Variants in ATP8B2 observed in about 807,000 individuals in gnomAD.
ATP8B2 encodes ATPase phospholipid transporting 8B2.
Under a neutral mutation model 133.4 loss-of-function variants are expected in ATP8B2, and 70 were observed. That is an observed-to-expected ratio of 0.52 (90% confidence interval 0.43 to 0.64). The LOEUF is 0.64. ATP8B2 is among the 30% of genes least tolerant of loss of function. ATP8B2 has a pLI of 0.00. For synonymous variants in ATP8B2, 517 were observed against 589.5 expected (o/e 0.88, Z 1.78); for missense variants, 1,101 against 1,535.7 (o/e 0.72, Z 4.73).
chr1:154,328,218 G>C lies in ATP8B2; in HGVS notation c.31+46G>C. On this transcript the variant is annotated intron_variant, in intron 2 of 27. Coordinates refer to ENST00000368489, the MANE Select transcript of ATP8B2 (RefSeq NM_001370597.1). The surrounding 1 kb of genome is among the most constrained non-coding windows in gnomAD (Gnocchi z 4.6). ...AGATCCCGGGAACCATCAAGAGTGG[G>C]TGTTGTTATGGCTCAGGGAGCAAAA... The C allele has an allele frequency of 1.3e-6, 2 of 1,570,290 alleles. No homozygotes were observed. Among genetic ancestry groups the C allele is most frequent in the Non-Finnish European group, 1.8e-6 (2 of 1,140,932 alleles).
In ATP8B2 at chr1:154,343,930, C is replaced by A; in HGVS notation, c.1796C>A (p.Ala599Asp). The A allele has an allele frequency of 6.2e-7, 1 of 1,613,628 alleles. No homozygotes were observed. Among genetic ancestry groups the A allele is most frequent in the Non-Finnish European group, 8.5e-7 (1 of 1,179,764 alleles). ...GAAGGGCTGAGGACCCTGGTGCTGG[C>A]CTACAAGGATCTGGATGAAGAGTAC... ...AGEGLRTLVLAYKDLDEEYYE... is the reference protein window; with the variant it reads ...AGEGLRTLVLDYKDLDEEYYE... The change falls in exon 18 of 28, where the codon GCC (alanine) becomes GAC (aspartate). Residue 599 changes from alanine to aspartate, a missense_variant. Ala to Asp is a moderately radical substitution (Grantham distance 126, BLOSUM62 -2). Transcript: ENST00000368489. This position sits in a 1 kb window ranked among gnomAD's most constrained non-coding sequence, Gnocchi z 5.8.
rs1230802796 is a variant in ATP8B2, at chr1:154,346,821, C to CTGAT, written c.3163+63_3163+64insTGAT. ...ACAGCTGTTCTGGGACTAACAGGAC[C>CTGAT]ATCAGCTAATCTGCACATTCAACAT... is the stretch of plus-strand genomic sequence containing the variant. On this transcript the variant is annotated intron_variant, in intron 26 of 27. Coordinates refer to ENST00000368489, the MANE Select transcript of ATP8B2 (RefSeq NM_001370597.1). The surrounding 1 kb of genome is among the most constrained non-coding windows in gnomAD (Gnocchi z 4.5). 12 of 1,554,366 alleles carry CTGAT rather than the reference C, an allele frequency of 7.7e-6. No individual in the cohort carries two copies. The highest frequency in any genetic ancestry group is 3.4e-4 in the Middle Eastern group (2 of 5,826).
Position 154,328,890 on chromosome 1 carries a change from G to T in ATP8B2, c.31+718G>T. ...CGACGGCTGGGGCTCCCCTCTGAGC[G>T]GCTGCGGCTCCTGCACCTCCCCGGG... On this transcript the variant is annotated intron_variant, in intron 2 of 27. Transcript: ENST00000368489. This position sits in a 1 kb window ranked among gnomAD's most constrained non-coding sequence, Gnocchi z 4.6. 7.9e-7 allele frequency: 1 copy of T among 1,262,748 alleles called. No homozygotes were observed. The allele number at this position is 1,262,748 out of a possible 1,614,324, so 78.2% of individuals were successfully genotyped here. A position where few individuals can be genotyped will look rare whatever the true frequency, so the allele number is the denominator to read the frequency against.
chr1:154,327,820 TC>T, intron 1 of ATP8B2: 1 of 1,613,814 alleles, frequency 6.2e-7, no homozygotes, highest in African/African-American at 1.3e-5. Flanking sequence ...TGAGAGCTGT[TC>T]CCCTTTTTTC....
chr1:154,328,969 C>A lies in ATP8B2; in HGVS notation c.31+797C>A. ...AAGGACATATAGACGGTCTGCCCTC[C>A]CCCACTCAAACCGGGATCATGACGG... is the stretch of plus-strand genomic sequence containing the variant. On this transcript the variant is annotated intron_variant, in intron 2 of 27. Transcript: ENST00000368489. The surrounding 1 kb of genome is among the most constrained non-coding windows in gnomAD (Gnocchi z 4.6). 7.7e-7 allele frequency: 1 copy of A among 1,304,106 alleles called. No individual in the cohort carries two copies. 80.8% of individuals were successfully genotyped at this position (1,304,106 alleles called of 1,614,324 possible).
At position 154,349,231 on chromosome 1, in the gene ATP8B2, G is replaced by T; in HGVS notation, c.*113G>T. 1 of 1,347,602 alleles carries T rather than the reference G, an allele frequency of 7.4e-7. No homozygotes were observed. Among genetic ancestry groups the T allele is most frequent in the Non-Finnish European group, 1.0e-6 (1 of 989,206 alleles). The allele number at this position is 1,347,602 out of a possible 1,614,324, so 83.5% of individuals were successfully genotyped here. ...CTCATTCCTTGCTTCCCGTCCCCCC[G>T]GTAGACTCTGTCCTGCTGGTCCCAC... On this transcript the variant is annotated 3_prime_UTR_variant, in exon 28 of 28. Transcript: ENST00000368489.
At position 154,348,868 on chromosome 1, in the gene ATP8B2, A is replaced by T. The variant is rs1259102065; in HGVS notation, c.3323A>T (p.Lys1108Met). 6.2e-7 allele frequency: 1 copy of T among 1,608,976 alleles called. No homozygotes were observed. The highest frequency in any genetic ancestry group is 8.5e-7 in the Non-Finnish European group (1 of 1,176,388). Residue 1108 changes from lysine (K) to methionine (M), a missense_variant, in exon 28 of 28, where the codon AAG becomes ATG. By Grantham distance (95) the Lys-to-Met change is moderately conservative. Transcript: ENST00000368489. Reference protein sequence around the residue: ...TVRYTQLVRKKQKAQHRCMRR... With the variant: ...TVRYTQLVRKMQKAQHRCMRR... ...CGCTACACACAGCTCGTGAGGAAGAAGCAGAAGGCCCAGCACCGCTGCATG... is the reference window on the plus strand; with the variant it reads ...CGCTACACACAGCTCGTGAGGAAGATGCAGAAGGCCCAGCACCGCTGCATG...
chr1:154,331,579 CT>C lies in ATP8B2; in HGVS notation c.366-26del. 2 of 1,613,892 alleles carry C rather than the reference CT, an allele frequency of 1.2e-6. No individual in the cohort carries two copies. Among genetic ancestry groups the C allele is most frequent in the Non-Finnish European group, 1.7e-6 (2 of 1,179,762 alleles). On this transcript the variant is annotated intron_variant, in intron 6 of 27. Coordinates refer to ENST00000368489, the MANE Select transcript of ATP8B2 (RefSeq NM_001370597.1). The surrounding 1 kb of genome is among the most constrained non-coding windows in gnomAD (Gnocchi z 4.8). ...AGGAACCTCTTTAGCTCCTGACAGC[CT>C]CTTCACTGTCTTCTCGTTGCCTCAG...
intron 26 of ATP8B2, among the ~76,000 whole-genome samples, chr1:154,347,782 A>C (rs1411563153): frequency 6.6e-6 from 1 of 152,062 alleles, no homozygotes; most frequent in African/African-American, 2.4e-5. Context: ...CTCTACTAAA[A>C]ATACAAAATT....
Position 154,344,781 on chromosome 1 carries a change from GC to G in ATP8B2, c.2284del (p.Leu762TrpfsTer28). On this transcript the variant is annotated frameshift_variant, in exon 21 of 28. Coordinates refer to ENST00000368489, the MANE Select transcript of ATP8B2 (RefSeq NM_001370597.1). LOFTEE classifies it high-confidence loss of function. The surrounding 1 kb of genome is among the most constrained non-coding windows in gnomAD (Gnocchi z 4.1). ...GEYALVINGHSLAHALEADME... is the reference protein window; with the variant it reads ...GEYALVINGHXLAHALEADME... ...TACGCCCTGGTCATAAATGGTCACA[GC>G]CTGGTAGGCATCGCTATCCTTAGCT... is the stretch of plus-strand genomic sequence containing the variant. 6.3e-7 allele frequency: 1 copy of G among 1,596,482 alleles called. No homozygotes were observed. Among genetic ancestry groups the G allele is most frequent in the South Asian group, 1.1e-5 (1 of 90,404 alleles).
chr1:154,326,925 C>T (rs1360424333), intron 1 of ATP8B2, among the ~76,000 whole-genome samples: 1 of 152,128 alleles, frequency 6.6e-6, no homozygotes, highest in Middle Eastern at 3.2e-3. Context: ...GGCTTGGCAT[C>T]TCTAAAATAT....
Position 154,346,058 on chromosome 1 carries a change from C to T in ATP8B2, c.2779-173C>T, listed in dbSNP as rs1048304588. On this transcript the variant is annotated intron_variant, in intron 24 of 27. Coordinates refer to ENST00000368489, the MANE Select transcript of ATP8B2 (RefSeq NM_001370597.1). This position sits in a 1 kb window ranked among gnomAD's most constrained non-coding sequence, Gnocchi z 4.5. The stretch of plus-strand genomic sequence containing the variant: ...TCCTGGCTGCAGCTGATCTAGAACT[C>T]TCTTGGGTTGCTGAACTAAGTTAGT... Among the ~76,000 whole-genome samples, 24 of 152,134 alleles carry T rather than the reference C, an allele frequency of 1.6e-4. No homozygotes were observed. Among genetic ancestry groups the T allele is most frequent in the Non-Finnish European group, 2.9e-4 (20 of 68,024 alleles).
rs11448687 is a variant in ATP8B2 at position 154,337,747 on chromosome 1, GA to G, written c.1034+212del. ...TCCTGGTACTTGGGACTGTATTAGA[GA>G]AAAAAAAATATTGATTTATTCAGCA... On this transcript the variant is annotated intron_variant, in intron 12 of 27. Transcript: ENST00000368489. The G allele has an allele frequency of 4.7e-5, 70 of 1,483,430 alleles. 1 individual carries two copies. The highest frequency in any genetic ancestry group is 4.4e-4 in the East Asian group (19 of 43,020). The allele number at this position is 1,483,430 out of a possible 1,614,324, so 91.9% of individuals were successfully genotyped here.
chr1:154,328,912 C>A lies in ATP8B2; in HGVS notation c.31+740C>A. 7.8e-7 allele frequency: 1 copy of A among 1,282,002 alleles called. No homozygotes were observed. The highest frequency in any genetic ancestry group is 1.3e-5 in the South Asian group (1 of 79,822). 79.4% of individuals were successfully genotyped at this position (1,282,002 alleles called of 1,614,324 possible). A position where few individuals can be genotyped will look rare whatever the true frequency, so the allele number is the denominator to read the frequency against. On this transcript the variant is annotated intron_variant, in intron 2 of 27. Coordinates refer to ENST00000368489, the MANE Select transcript of ATP8B2 (RefSeq NM_001370597.1). The surrounding 1 kb of genome is among the most constrained non-coding windows in gnomAD (Gnocchi z 4.6). ...AGCGGCTGCGGCTCCTGCACCTCCC[C>A]GGGGAGCCGCCCCGTCGATGCCACT... is the stretch of plus-strand genomic sequence containing the variant.
rs1686604302 is a variant in ATP8B2 at position 154,346,916 on chromosome 1, A to G, written c.3163+158A>G. Among the ~76,000 whole-genome samples the G allele has an allele frequency of 6.6e-6, 1 of 152,174 alleles. No individual in the cohort carries two copies. Among genetic ancestry groups the G allele is most frequent in the Non-Finnish European group, 1.5e-5 (1 of 68,044 alleles). On this transcript the variant is annotated intron_variant, in intron 26 of 27. Transcript: ENST00000368489. The surrounding 1 kb of genome is among the most constrained non-coding windows in gnomAD (Gnocchi z 4.5). ...TTATTTTCGAGAAGGAGTCTTGCCCAGGCTGGAGTGCAGTGGTGCGATCTC... is the reference window on the plus strand; with the variant it reads ...TTATTTTCGAGAAGGAGTCTTGCCCGGGCTGGAGTGCAGTGGTGCGATCTC...
Position 154,343,338 on chromosome 1 carries a change from CAG to C in ATP8B2, c.1642+38_1642+39del, listed in dbSNP as rs1686451167. ...CCTGGGGTGCTGGGGCGTTTGGGGA[CAG>C]CATTCAGGCCTGGAATGGGTGAAGT... On this transcript the variant is annotated intron_variant, in intron 16 of 27. Transcript: ENST00000368489. This position sits in a 1 kb window ranked among gnomAD's most constrained non-coding sequence, Gnocchi z 5.8. 1 of 1,609,902 alleles carries C rather than the reference CAG, an allele frequency of 6.2e-7. No individual in the cohort carries two copies. Among genetic ancestry groups the C allele is most frequent in the Non-Finnish European group, 8.5e-7 (1 of 1,177,210 alleles).
In ATP8B2 at chr1:154,346,030, C is replaced by T. The variant is rs1686569160; in HGVS notation, c.2778+147C>T. The T allele has an allele frequency of 9.2e-7, 1 of 1,088,564 alleles. No individual in the cohort carries two copies. The highest frequency in any genetic ancestry group is 1.4e-6 in the Non-Finnish European group (1 of 740,512). 67.4% of individuals were successfully genotyped at this position (1,088,564 alleles called of 1,614,324 possible). A position where few individuals can be genotyped will look rare whatever the true frequency, so the allele number is the denominator to read the frequency against. On this transcript the variant is annotated intron_variant, in intron 24 of 27. Coordinates refer to ENST00000368489, the MANE Select transcript of ATP8B2 (RefSeq NM_001370597.1). The surrounding 1 kb of genome is among the most constrained non-coding windows in gnomAD (Gnocchi z 4.5). ...AGCCGGGGAAGGTGTGGCTGGTTCT[C>T]CCTCCTGGCTGCAGCTGATCTAGAA...
At chr1:154,330,532 T>C in intron 3 of ATP8B2, 78 bp downstream of exon 3, 1 of 1,484,332 alleles carries the variant, frequency 6.7e-7, no homozygotes, top group Non-Finnish European at 9.3e-7. Context: ...CCGTTGGGAC[T>C]GAGGGCTGCC....
In ATP8B2 at chr1:154,328,303, C is replaced by T; in HGVS notation, c.31+131C>T. 1 of 992,048 alleles carries T rather than the reference C, an allele frequency of 1.0e-6. No homozygotes were observed. Among genetic ancestry groups the T allele is most frequent in the Admixed American group, 2.0e-5 (1 of 50,454 alleles). The allele number at this position is 992,048 out of a possible 1,614,324, so 61.5% of individuals were successfully genotyped here. ...GTAGCTTACAGCAGCCCCTACCCAGCTTGGGGGCAGCCTAGGAAACCGAAT... is the reference window on the plus strand; with the variant it reads ...GTAGCTTACAGCAGCCCCTACCCAGTTTGGGGGCAGCCTAGGAAACCGAAT... On this transcript the variant is annotated intron_variant, in intron 2 of 27. Transcript: ENST00000368489. The surrounding 1 kb of genome is among the most constrained non-coding windows in gnomAD (Gnocchi z 4.6).
Sources: gnomAD v4.1 joint callset for allele counts (sites outside exome capture counted in the v4.1 genomes callset) on GRCh38, gnomAD v4.1.1 for gene constraint, Gnocchi (gnomAD v3.1) non-coding constraint, MANE v1.5 for transcripts, NCBI Gene and HGNC (gene_info 2026-07-23, HGNC 2026-07-21) for gene names.